The following PCDHA3 variants were observed in gnomAD, a reference collection of about 807,000 sequenced individuals.
PCDHA3 encodes protocadherin alpha-3.
In PCDHA3, 41 loss-of-function variants were observed where a neutral mutation model predicts 62.2. The observed-to-expected ratio is 0.66, with a 90% confidence interval of 0.51 to 0.86. The LOEUF is 0.86. PCDHA3 is among the 40% of genes least tolerant of loss of function. The pLI, the probability that PCDHA3 is intolerant of heterozygous loss-of-function variation, is 0.00. For missense variants in PCDHA3, 1,304 were observed against 1,241.2 expected (o/e 1.05, Z -0.76); for synonymous variants, 640 against 555.4 (o/e 1.15, Z -2.14).
intron 1 of PCDHA3, among the ~76,000 whole-genome samples, chr5:140,893,065 A>G (rs2063802609): frequency 6.6e-6 from 1 of 152,226 alleles, no homozygotes; most frequent in South Asian, 2.1e-4. Context: ...TACTGCCATG[A>G]ATAACAGGAT....
At chr5:140,937,332 C>A (rs1003482242) in intron 1 of PCDHA3, among the ~76,000 whole-genome samples, 1 of 152,094 alleles carries the variant, frequency 6.6e-6, no homozygotes, top group Non-Finnish European at 1.5e-5. Flanking sequence ...CCACCGCGCC[C>A]GGCTTCTTCC....
At chr5:140,882,750 A>C (rs781948584) in intron 1 of PCDHA3, 3 of 1,614,128 alleles carry the variant, frequency 1.9e-6, no homozygotes, top group Non-Finnish European at 2.5e-6. Flanking sequence ...TCCGATGCAG[A>C]TATTGGAGTA....
intron 3 of PCDHA3, among the ~76,000 whole-genome samples, chr5:140,997,106 C>T (rs2153943751): frequency 6.6e-6 from 1 of 152,162 alleles, no homozygotes; most frequent in South Asian, 2.1e-4. Context: ...CTCATGCACT[C>T]CTGCTCTCCC....
chr5:140,834,367 C>T (rs2150215817), intron 1 of PCDHA3: 2 of 1,554,312 alleles, frequency 1.3e-6, no homozygotes, highest in Admixed American at 2.0e-5. Flanking sequence ...ACTAGAAAAA[C>T]AAGCCAATAA....
intron 1 of PCDHA3, chr5:140,870,871 G>T (rs1257856778): frequency 1.2e-6 from 2 of 1,613,826 alleles, no homozygotes; most frequent in African/African-American, 2.7e-5. Context: ...GGGCCACGTG[G>T]TGGCGAAGGT....
Position 141,010,029 on chromosome 5 carries a change from A to G in PCDHA3, c.*92A>G, listed in dbSNP as rs2098415771. 1.1e-5 allele frequency: 17 copies of G among 1,580,452 alleles called. No individual in the cohort carries two copies. In the Admixed American group the frequency reaches 3.1e-4, roughly 29 times the overall value. On this transcript the variant is annotated 3_prime_UTR_variant, in exon 4 of 4. Coordinates refer to ENST00000522353, the MANE Select transcript of PCDHA3 (RefSeq NM_018906.3). ...AATTCCCTGCTCCTTTTTCCTATCT[A>G]CATGAGCCCTCTTAGAGACCTCAGA...
intron 1 of PCDHA3, chr5:140,877,799 T>C: frequency 1.2e-6 from 2 of 1,613,438 alleles, no homozygotes; most frequent in Non-Finnish European, 1.7e-6. Context: ...AGCCCAAGCC[T>C]TCAGCTGTCT....
At chr5:140,967,136 C>CTT (rs1401459371) in intron 1 of PCDHA3, 1 of 1,611,568 alleles carries the variant, frequency 6.2e-7, no homozygotes, top group African/African-American at 1.3e-5. Context: ...CTTGGAAGTG[C>CTT]TGGCGCACAA....
chr5:140,873,639 T>G (rs567970956), intron 1 of PCDHA3, among the ~76,000 whole-genome samples: 1 of 152,346 alleles, frequency 6.6e-6, no homozygotes, highest in African/African-American at 2.4e-5. Context: ...AAAGAGTATG[T>G]GAGAACTACA....
chr5:141,003,086 G>T (rs782184121), intron 3 of PCDHA3, among the ~76,000 whole-genome samples: 7 of 152,194 alleles, frequency 4.6e-5, no homozygotes, highest in Non-Finnish European at 1.0e-4. Flanking sequence ...GAGTTTAACA[G>T]GCCTGGCATT....
chr5:140,969,019 G>C lies in PCDHA3; in HGVS notation c.2395-9930G>C. 3.1e-6 allele frequency: 5 copies of C among 1,614,164 alleles called. No homozygotes were observed. The South Asian group carries it at 5.5e-5, about 18-fold the overall frequency. ...GAGGCTTCTGTGGAGTAAGGGAAAG[G>C]TCCCCTGCAGAACTGTACAAACAAG... On this transcript the variant is annotated intron_variant, in intron 1 of 3. Transcript: ENST00000522353.
rs1278190743 is a variant in PCDHA3, at chr5:140,891,784, G to C, written c.2395-87165G>C. 2.0e-5 allele frequency among the ~76,000 whole-genome samples: 3 copies of C among 152,152 alleles called. No homozygotes were observed. In the East Asian group the frequency reaches 5.8e-4, roughly 29 times the overall value. On this transcript the variant is annotated intron_variant, in intron 1 of 3. Coordinates refer to ENST00000522353, the MANE Select transcript of PCDHA3 (RefSeq NM_018906.3). ...GGTGGGGAATTTCAGGAAATGTTTA[G>C]ATTATGAGGGATCTGCCCTCATGAA...
intron 3 of PCDHA3, chr5:140,989,029 T>C (rs1179991724): frequency 6.6e-6 from 1 of 152,170 alleles, no homozygotes. Context: ...TCAGTTATCA[T>C]TGATTCCTTT....
At position 141,011,373 on chromosome 5, in the gene PCDHA3, TAA is replaced by T. The variant is rs1299941460; in HGVS notation, c.*1437_*1438del. The T allele has an allele frequency of 1.3e-5, 2 of 153,792 alleles. No homozygotes were observed. Among genetic ancestry groups the T allele is most frequent in the Non-Finnish European group, 2.9e-5 (2 of 68,046 alleles). The allele number at this position is 153,792 out of a possible 1,614,324, so 9.5% of individuals were successfully genotyped here. A position where few individuals can be genotyped will look rare whatever the true frequency, so the allele number is the denominator to read the frequency against. The stretch of plus-strand genomic sequence containing the variant: ...CCCATATGTATGCTGTATGCTATGC[TAA>T]GACTCCTGAAATATACTTACTCTGT... On this transcript the variant is annotated 3_prime_UTR_variant, in exon 4 of 4. Coordinates refer to ENST00000522353, the MANE Select transcript of PCDHA3 (RefSeq NM_018906.3).
intron 3 of PCDHA3, among the ~76,000 whole-genome samples, chr5:140,996,394 G>A (rs2097724789): frequency 6.6e-6 from 1 of 152,192 alleles, no homozygotes; most frequent in Non-Finnish European, 1.5e-5. Context: ...GCCTCATAGA[G>A]TTTCAGGTGG....
intron 3 of PCDHA3, among the ~76,000 whole-genome samples, chr5:141,003,398 G>A (rs1282074480): frequency 1.3e-5 from 2 of 152,114 alleles, no homozygotes; most frequent in African/African-American, 4.8e-5. Flanking sequence ...TGAAACCTCC[G>A]CCTCCCGGGT....
chr5:140,908,949 G>A (rs2074237561), intron 1 of PCDHA3, among the ~76,000 whole-genome samples: 1 of 152,144 alleles, frequency 6.6e-6, no homozygotes, highest in South Asian at 2.1e-4. Context: ...CTTCACCTTA[G>A]AAGGAATATC....
At chr5:140,887,357 A>G (rs112910602) in intron 1 of PCDHA3, among the ~76,000 whole-genome samples, 1 of 152,032 alleles carries the variant, frequency 6.6e-6, no homozygotes, top group Non-Finnish European at 1.5e-5. Flanking sequence ...CGGCCTCCCA[A>G]AGTGCTGGGA....
chr5:140,961,938 C>T (rs1443851298), intron 1 of PCDHA3, among the ~76,000 whole-genome samples: 3 of 151,024 alleles, frequency 2.0e-5, no homozygotes, highest in African/African-American at 7.3e-5. Flanking sequence ...GGCTGGAGTG[C>T]AGTGGCATGA....
Sources: allele counts gnomAD v4.1 joint callset (sites outside exome capture counted in the v4.1 genomes callset), GRCh38; gene constraint gnomAD v4.1.1; transcripts MANE v1.5; gene names NCBI Gene and HGNC (gene_info 2026-07-23, HGNC 2026-07-21).